FSTL5: variants seen among roughly 807,000 people sequenced by gnomAD.
FSTL5 encodes follistatin-related protein 5.
FSTL5 carries 62 observed loss-of-function variants against 89.1 expected under a neutral mutation model. That is an observed-to-expected ratio of 0.70 (90% CI 0.57 to 0.86). FSTL5 has a LOEUF of 0.86. FSTL5 is among the 40% of genes least tolerant of loss of function. FSTL5 has a pLI of 0.00. For missense variants in FSTL5, 1,057 were observed against 1,001.6 expected, an observed-to-expected ratio of 1.06 and a Z score of -0.75; for synonymous variants, 383 against 346.2, an observed-to-expected ratio of 1.11 and a Z score of -1.18.
At chr4:161,730,051 T>C (rs1306352685) in intron 6 of FSTL5, among the ~76,000 whole-genome samples, 2 of 152,196 alleles carry the variant, frequency 1.3e-5, no homozygotes. Context: ...ATAGCATTTA[T>C]TGGAAGTTTG....
At chr4:161,749,717 G>A (rs527961234) in intron 6 of FSTL5, among the ~76,000 whole-genome samples, 161 of 151,990 alleles carry the variant, frequency 1.1e-3, no homozygotes, top group African/African-American at 3.4e-3. Flanking sequence ...GCGTGAACCC[G>A]ACAGGCGGAG....
intron 3 of FSTL5, among the ~76,000 whole-genome samples, chr4:162,010,476 A>G (rs1462917421): frequency 6.6e-6 from 1 of 152,102 alleles, no homozygotes; most frequent in Admixed American, 6.6e-5. Context: ...CATGTAGTTC[A>G]CTCTTTTACA....
chr4:161,979,890 T>C (rs574906645), intron 3 of FSTL5, among the ~76,000 whole-genome samples: 2 of 152,094 alleles, frequency 1.3e-5, no homozygotes, highest in East Asian at 1.9e-4. Context: ...CTTGGTCTTA[T>C]TGGGGGACAG....
At chr4:162,123,176 T>G (rs1328729939) in intron 1 of FSTL5, among the ~76,000 whole-genome samples, 1 of 152,152 alleles carries the variant, frequency 6.6e-6, no homozygotes, top group Non-Finnish European at 1.5e-5. Flanking sequence ...CTACATTTAT[T>G]GTACAAGAAA....
At chr4:161,475,245 T>C (rs979078277) in intron 13 of FSTL5, among the ~76,000 whole-genome samples, 1 of 152,182 alleles carries the variant, frequency 6.6e-6, no homozygotes, top group Non-Finnish European at 1.5e-5. Flanking sequence ...TTTGTTTATC[T>C]TAGTTGGACT....
chr4:162,023,285 C>T (rs540541266), intron 3 of FSTL5, among the ~76,000 whole-genome samples: 65 of 152,198 alleles, frequency 4.3e-4, no homozygotes, highest in African/African-American at 1.5e-3. Context: ...AAAACAATGG[C>T]ATATAGTTGA....
chr4:161,860,095 T>C (rs556303569), intron 4 of FSTL5, among the ~76,000 whole-genome samples: 30 of 152,230 alleles, frequency 2.0e-4, no homozygotes, highest in South Asian at 1.4e-3. Flanking sequence ...TAGACCATCC[T>C]GGCTAGCGCA....
intron 4 of FSTL5, among the ~76,000 whole-genome samples, chr4:161,786,574 G>A (rs922051967): frequency 2.6e-5 from 4 of 152,002 alleles, no homozygotes; most frequent in Non-Finnish European, 5.9e-5. Context: ...TCCCCAAACC[G>A]ACCAAATAAA....
intron 15 of FSTL5, among the ~76,000 whole-genome samples, chr4:161,393,930 G>A (rs943948929): frequency 2.0e-5 from 3 of 152,072 alleles, no homozygotes; most frequent in Admixed American, 6.5e-5. Flanking sequence ...CCATATTAGC[G>A]AGCCTTTTGG....
intron 11 of FSTL5, among the ~76,000 whole-genome samples, chr4:161,508,164 C>T (rs1283745556): frequency 6.6e-6 from 1 of 151,944 alleles, no homozygotes; most frequent in Admixed American, 6.6e-5. Flanking sequence ...TTCAGTGATT[C>T]CTCAAGCCAG....
chr4:161,816,485 C>T (rs1408466777), intron 4 of FSTL5, among the ~76,000 whole-genome samples: 4 of 152,082 alleles, frequency 2.6e-5, no homozygotes, highest in Non-Finnish European at 5.9e-5. Context: ...TATACATAAT[C>T]ATATAGAGAC....
intron 12 of FSTL5, among the ~76,000 whole-genome samples, chr4:161,488,939 G>A (rs1439642964): frequency 6.6e-6 from 1 of 152,096 alleles, no homozygotes; most frequent in African/African-American, 2.4e-5. Flanking sequence ...GCAGTCCCGT[G>A]ACTGAGCAAA....
intron 3 of FSTL5, among the ~76,000 whole-genome samples, chr4:161,954,819 A>G (rs1200976875): frequency 6.6e-6 from 1 of 151,726 alleles, no homozygotes; most frequent in Non-Finnish European, 1.5e-5. Context: ...AAAATAAATA[A>G]TCATATAATG....
intron 6 of FSTL5, among the ~76,000 whole-genome samples, chr4:161,730,538 C>A (rs1049918918): frequency 2.0e-5 from 3 of 151,768 alleles, no homozygotes; most frequent in Non-Finnish European, 4.4e-5. Context: ...CAAGATTTTC[C>A]TGCAATGGTA....
chr4:161,592,662 C>T (rs137958386), intron 7 of FSTL5, among the ~76,000 whole-genome samples: 2,390 of 152,240 alleles, frequency 0.016, 62 homozygotes, highest in African/African-American at 0.054. Flanking sequence ...TTTTCTTTAT[C>T]CAGTCTATCA....
intron 7 of FSTL5, among the ~76,000 whole-genome samples, chr4:161,590,738 C>A (rs547320324): frequency 2.0e-5 from 3 of 152,212 alleles, no homozygotes; most frequent in African/African-American, 7.2e-5. Flanking sequence ...AAAAAAGAGA[C>A]AATTGCAAGT....
chr4:161,455,426 T>C (rs1322737674), intron 14 of FSTL5, among the ~76,000 whole-genome samples: 1 of 152,096 alleles, frequency 6.6e-6, no homozygotes, highest in African/African-American at 2.4e-5. Context: ...AAAATCCTAA[T>C]CTTCTTACAA....
intron 7 of FSTL5, among the ~76,000 whole-genome samples, chr4:161,654,339 G>T (rs993059928): frequency 3.4e-4 from 52 of 152,206 alleles, no homozygotes; most frequent in African/African-American, 1.2e-3. Context: ...AAAAACAGTA[G>T]TGGAAAGCTT....
intron 2 of FSTL5, among the ~76,000 whole-genome samples, chr4:162,044,216 T>C (rs893026239): frequency 1.1e-4 from 16 of 152,208 alleles, no homozygotes; most frequent in African/African-American, 3.4e-4. Flanking sequence ...ATGTCAAAAT[T>C]ATTCCTTGCT....
Sources: allele counts gnomAD v4.1 joint callset (sites outside exome capture counted in the v4.1 genomes callset), GRCh38; gene constraint gnomAD v4.1.1; transcripts MANE v1.5; gene names NCBI Gene and HGNC (gene_info 2026-07-23, HGNC 2026-07-21).